Variants in BRCA2 observed in about 807,000 individuals in gnomAD.
BRCA2 encodes BRCA2 DNA repair associated, also known as breast cancer type 2 susceptibility protein.
In BRCA2, 203 loss-of-function variants were observed where a neutral mutation model predicts 276.7. That is an observed-to-expected ratio of 0.73 (90% CI 0.65 to 0.82). BRCA2 has a LOEUF of 0.82. Ranked by LOEUF, BRCA2 falls within the 40% of genes least tolerant of loss-of-function variation. BRCA2 has a pLI of 0.00. For synonymous variants in BRCA2, 1,289 were observed against 1,338.4 expected (o/e 0.96, Z 0.81); for missense variants, 3,920 against 3,915.0 (o/e 1.00, Z -0.03).
rs28897709 is a variant in BRCA2 at position 32,333,016 on chromosome 13, A to G, written c.1538A>G (p.Lys513Arg). The G allele has an allele frequency of 5.7e-5, 91 of 1,596,268 alleles. No homozygotes were observed. The highest frequency in any genetic ancestry group is 7.3e-5 in the Non-Finnish European group (86 of 1,175,458). ...ATATTCAGAATAAGAGAATCACCTA[A>G]AGAGACTTTCAATGCAAGTTTTTCA... ...KSIFRIRESP[K>R]ETFNASFSGH... The change falls in exon 10 of 27, where the codon AAA (lysine) becomes AGA (arginine). Residue 513 changes from lysine to arginine, a missense_variant. This residue lies in a region of BRCA2 where 3,263 missense variants were observed against 3,156.9 expected (regional missense o/e 1.03). Transcript: ENST00000380152.
chr13:32,392,225 T>C (rs2073001737), intron 24 of BRCA2, among the ~76,000 whole-genome samples: 1 of 152,210 alleles, frequency 6.6e-6, no homozygotes, highest in South Asian at 2.1e-4. Context: ...CCATTCCCTG[T>C]TATTTACAAC....
chr13:32,360,795 A>T (rs571346021), intron 16 of BRCA2, among the ~76,000 whole-genome samples: 2 of 152,128 alleles, frequency 1.3e-5, no homozygotes, highest in Non-Finnish European at 2.9e-5. Flanking sequence ...GTGGCAGTGG[A>T]ATTGGTGGAA....
At position 32,391,173 on chromosome 13, in the gene BRCA2, G is replaced by A. The variant is rs206340; in HGVS notation, c.9257-3516G>A. ...GTGATATATAATGAGTTAATTAAAC[G>A]AGAACCTTTCTTAGGTTGGGAAAGA... On this transcript the variant is annotated intron_variant, in intron 24 of 26. Transcript: ENST00000380152. Among the ~76,000 whole-genome samples, 32,240 of 152,046 alleles carry A rather than the reference G, an allele frequency of 0.21. 3,480 individuals are homozygous for A. Among genetic ancestry groups the A allele is most frequent in the Middle Eastern group, 0.26 (76 of 292 alleles).
In BRCA2 at chr13:32,344,631, G is replaced by C. The variant is rs1555285156; in HGVS notation, c.6915G>C (p.Lys2305Asn). The stretch of plus-strand genomic sequence containing the variant: ...TAGAAAATCAAGAAAAATCCTTAAA[G>C]GCTTCAAAAAGCACTCCAGATGGTA... ...RIIENQEKSL[K>N]ASKSTPDGTI... Residue 2305 changes from lysine to asparagine, a missense_variant, in exon 12 of 27, where the codon AAG becomes AAC. By Grantham distance (94) the Lys-to-Asn change is moderately conservative. Coordinates refer to ENST00000380152, the MANE Select transcript of BRCA2 (RefSeq NM_000059.4). 1 of 1,579,610 alleles carries C rather than the reference G, an allele frequency of 6.3e-7. No homozygotes were observed. The highest frequency in any genetic ancestry group is 8.7e-7 in the Non-Finnish European group (1 of 1,149,166).
Position 32,341,214 on chromosome 13 carries a change from C to A in BRCA2, c.6841+18C>A. ...CTTAGTGGGTAAGTGTTCATTTTTA[C>A]CTTTCGTGTTGCCAATCACTATTTT... is the stretch of plus-strand genomic sequence containing the variant. On this transcript the variant is annotated intron_variant, in intron 11 of 26. Coordinates refer to ENST00000380152, the MANE Select transcript of BRCA2 (RefSeq NM_000059.4). The A allele has an allele frequency of 6.2e-7, 1 of 1,613,658 alleles. No individual in the cohort carries two copies. The highest frequency in any genetic ancestry group is 8.5e-7 in the Non-Finnish European group (1 of 1,179,860).
intron 1 of BRCA2, among the ~76,000 whole-genome samples, 155 bp downstream of exon 1, chr13:32,315,822 C>G (rs1275862199): frequency 6.6e-6 from 1 of 152,196 alleles, no homozygotes; most frequent in Non-Finnish European, 1.5e-5. Flanking sequence ...AGGTCCTTGC[C>G]CGAAGGCAGA....
chr13:32,378,211 A>G (rs1470622286), intron 21 of BRCA2, among the ~76,000 whole-genome samples: 1 of 152,186 alleles, frequency 6.6e-6, no homozygotes, highest in Admixed American at 6.5e-5. Flanking sequence ...GCAGAATAAG[A>G]GTTGGAGTAG....
rs746099644 is a variant in BRCA2 at position 32,340,820 on chromosome 13, C to T, written c.6465C>T (p.Leu2155=). 1.3e-5 allele frequency: 21 copies of T among 1,589,436 alleles called. No individual in the cohort carries two copies. The highest frequency in any genetic ancestry group is 1.8e-5 in the Non-Finnish European group (21 of 1,171,712). Residue 2155 remains leucine (L), a synonymous_variant, in exon 11 of 27, where the codon CTC becomes CTT. Transcript: ENST00000380152. ...NNHSIKVSPY[L]SQFQQDKQQL... ...ACTCTATTAAAGTTTCTCCATATCT[C>T]TCTCAATTTCAACAAGACAAACAAC...
intron 5 of BRCA2, 38 bp from the exon 6 acceptor site, chr13:32,326,204 A>T (rs1394193247): frequency 1.2e-6 from 2 of 1,610,902 alleles, no homozygotes; most frequent in Non-Finnish European, 1.7e-6. Flanking sequence ...TGTTAATAAA[A>T]ATAAAACTTA....
At chr13:32,329,607 T>C in intron 8 of BRCA2, 115 bp downstream of exon 8, 1 of 868,204 alleles carries the variant, frequency 1.2e-6, no homozygotes, top group Non-Finnish European at 1.8e-6. Context: ...TCTAAGCCTT[T>C]GAGAAAGTCT....
intron 20 of BRCA2, among the ~76,000 whole-genome samples, chr13:32,374,134 C>T (rs1250661590): frequency 1.3e-5 from 2 of 152,248 alleles, no homozygotes; most frequent in Admixed American, 6.5e-5. Flanking sequence ...TGCCATGTCC[C>T]ATGGCTGCAC....
intron 8 of BRCA2, among the ~76,000 whole-genome samples, chr13:32,330,173 C>G (rs535335216): frequency 2.8e-4 from 43 of 152,256 alleles, no homozygotes; most frequent in African/African-American, 8.7e-4. Flanking sequence ...TGCTTTCTGG[C>G]GTAATATGTA....
chr13:32,397,100 A>G (rs2137660184), intron 26 of BRCA2, 56 bp downstream of exon 26: 5 of 1,564,202 alleles, frequency 3.2e-6, no homozygotes, highest in South Asian at 1.1e-5. Context: ...AGGCCATCGT[A>G]TATTCTGTTG....
At position 32,363,365 on chromosome 13, in the gene BRCA2, T is replaced by C. The variant is rs786201741; in HGVS notation, c.8163T>C (p.Leu2721=). ...CCCAAAAAGTGGCCATTATTGAACTTACAGATGGGTGGTATGCTGTTAAGG... is the reference window on the plus strand; with the variant it reads ...CCCAAAAAGTGGCCATTATTGAACTCACAGATGGGTGGTATGCTGTTAAGG... ...ADTQKVAIIE[L]TDGWYAVKAQ... The change falls in exon 18 of 27, where the codon CTT becomes CTC. Residue 2721 remains leucine (L), a synonymous_variant. Transcript: ENST00000380152. The C allele has an allele frequency of 1.2e-6, 2 of 1,614,064 alleles. No homozygotes were observed. Among genetic ancestry groups the C allele is most frequent in the Admixed American group, 1.7e-5 (1 of 60,006 alleles).
rs80358424 is a variant in BRCA2 at position 32,332,832 on chromosome 13, C to T, written c.1354C>T (p.Leu452=). The T allele has an allele frequency of 4.3e-6, 7 of 1,611,142 alleles. No individual in the cohort carries two copies. The highest frequency in any genetic ancestry group is 5.9e-6 in the Non-Finnish European group (7 of 1,179,314). Residue 452 remains leucine (L), a synonymous_variant, in exon 10 of 27, where the codon CTA becomes TTA. Transcript: ENST00000380152. ...GAATTCTTTGCCACGTATTTCTAGC[C>T]TACCAAAATCAGAGAAGCCATTAAA... ...SENSLPRISS[L]PKSEKPLNEE... is the part of the protein sequence containing the mutation.
intron 24 of BRCA2, among the ~76,000 whole-genome samples, chr13:32,388,490 C>T (rs1393722881): frequency 6.6e-6 from 1 of 152,056 alleles, no homozygotes; most frequent in African/African-American, 2.4e-5. Context: ...TTCTTTTTCA[C>T]TTCCAGTACA....
In BRCA2 at chr13:32,338,039, T is replaced by C; in HGVS notation, c.3684T>C (p.Asn1228=). 6.2e-7 allele frequency: 1 copy of C among 1,611,996 alleles called. No individual in the cohort carries two copies. Among genetic ancestry groups the C allele is most frequent in the Non-Finnish European group, 8.5e-7 (1 of 1,178,954 alleles). ...ATTCTGCTCATGGCACAAAACTGAATGTTTCTACTGAAGCTCTGCAAAAAG... is the reference window on the plus strand; with the variant it reads ...ATTCTGCTCATGGCACAAAACTGAACGTTTCTACTGAAGCTCTGCAAAAAG... The part of the protein sequence containing the change: ...GFYSAHGTKL[N]VSTEALQKAV... Residue 1228 remains asparagine, a synonymous_variant, in exon 11 of 27, where the codon AAT becomes AAC. Coordinates refer to ENST00000380152, the MANE Select transcript of BRCA2 (RefSeq NM_000059.4).
chr13:32,361,621 G>A (rs1056339294), intron 16 of BRCA2, among the ~76,000 whole-genome samples: 12 of 152,192 alleles, frequency 7.9e-5, no homozygotes, highest in Admixed American at 1.3e-4. Flanking sequence ...TTTCCTGATC[G>A]TTGGCCTTGT....
At chr13:32,316,816 G>T (rs778936859) in intron 2 of BRCA2, among the ~76,000 whole-genome samples, 3 of 152,130 alleles carry the variant, frequency 2.0e-5, no homozygotes, top group South Asian at 2.1e-4. Context: ...CCAACTTTTT[G>T]GTTTCAGTAC....
Sources: allele counts gnomAD v4.1 joint callset (sites outside exome capture counted in the v4.1 genomes callset), GRCh38; gene constraint gnomAD v4.1.1; regional missense constraint gnomAD v4.1.1; transcripts MANE v1.5; gene names NCBI Gene and HGNC (gene_info 2026-07-23, HGNC 2026-07-21).